RERE: variants seen among roughly 807,000 people sequenced by gnomAD.
RERE encodes the protein arginine-glutamic acid dipeptide repeats.
Under a neutral mutation model 146.1 loss-of-function variants are expected in RERE, and 40 were observed. The ratio of observed to expected loss-of-function variants is 0.27; its 90% CI spans 0.21 to 0.36. The LOEUF (loss-of-function observed/expected upper bound fraction) is 0.36. Ranked by LOEUF, RERE falls within the 10% of genes least tolerant of loss-of-function variation. RERE has a pLI of 1.00. For missense variants in RERE, 1,933 were observed against 2,138.7 expected, an observed-to-expected ratio of 0.90 and a Z score of 1.90; for synonymous variants, 1,003 against 866.0, an observed-to-expected ratio of 1.16 and a Z score of -2.78.
intron 4 of RERE, among the ~76,000 whole-genome samples, chr1:8,559,517 A>C (rs962673941): frequency 6.6e-6 from 1 of 151,984 alleles, no homozygotes; most frequent in Admixed American, 6.6e-5. Flanking sequence ...GGCAAAAAAA[A>C]CTTTCTACAC....
At chr1:8,772,442 G>A (rs1486176928) in intron 1 of RERE, among the ~76,000 whole-genome samples, 2 of 152,000 alleles carry the variant, frequency 1.3e-5, no homozygotes, top group African/African-American at 4.8e-5. Context: ...CTTTACAATG[G>A]CTTTGAGGAA....
At chr1:8,418,520 C>A (rs1207215229) in intron 12 of RERE, among the ~76,000 whole-genome samples, 5 of 152,186 alleles carry the variant, frequency 3.3e-5, no homozygotes, top group Non-Finnish European at 7.3e-5. Flanking sequence ...TGGACTACGA[C>A]CCAGTGCCAG....
intron 1 of RERE, among the ~76,000 whole-genome samples, chr1:8,705,732 A>AG (rs1639544635): frequency 1.3e-5 from 2 of 152,216 alleles, no homozygotes; most frequent in African/African-American, 4.8e-5. Context: ...ACTGAGGTCA[A>AG]CAACACTGCT....
chr1:8,518,625 T>C (rs1232496393), intron 7 of RERE, among the ~76,000 whole-genome samples: 3 of 152,210 alleles, frequency 2.0e-5, no homozygotes, highest in Non-Finnish European at 4.4e-5. Context: ...ATCACTTTTT[T>C]AGATGGATTG....
At chr1:8,379,535 T>TCTGTGA (rs1402183966) in intron 12 of RERE, among the ~76,000 whole-genome samples, 4 of 152,172 alleles carry the variant, frequency 2.6e-5, no homozygotes, top group African/African-American at 7.2e-5. Flanking sequence ...GATCTCCGAA[T>TCTGTGA]CTGTGACTGT....
At chr1:8,484,284 C>T (rs1169102852) in intron 10 of RERE, among the ~76,000 whole-genome samples, 1 of 152,124 alleles carries the variant, frequency 6.6e-6, no homozygotes, top group African/African-American at 2.4e-5. Context: ...ATGTCAGCTG[C>T]AAGTGTTCAG....
rs868868275 is a variant in RERE at position 8,623,208 on chromosome 1, A to G, written c.396+1102T>C. On this transcript the variant is annotated intron_variant, in intron 3 of 22. Coordinates refer to ENST00000400908, the MANE Select transcript of RERE (RefSeq NM_001042681.2). ...ACGTTTGTAATCCCAGCACTTTGGG[A>G]GGCCAAAGCAGGCAAATCACTTGAG... Among the ~76,000 whole-genome samples the G allele has an allele frequency of 8.7e-4, 133 of 152,326 alleles. 1 individual carries two copies. The highest frequency in any genetic ancestry group is 1.2e-3 in the African/African-American group (51 of 41,578).
chr1:8,553,896 G>A (rs895941617), intron 6 of RERE, among the ~76,000 whole-genome samples: 1 of 152,174 alleles, frequency 6.6e-6, no homozygotes, highest in African/African-American at 2.4e-5. Context: ...GATAAAAATG[G>A]GCCAGACGTG....
intron 10 of RERE, among the ~76,000 whole-genome samples, chr1:8,472,182 T>C (rs1231105334): frequency 6.6e-6 from 1 of 152,238 alleles, no homozygotes; most frequent in East Asian, 1.9e-4. Flanking sequence ...ACTATATTCC[T>C]TACATAAAGT....
intron 8 of RERE, among the ~76,000 whole-genome samples, chr1:8,508,021 G>A (rs983872162): frequency 6.6e-6 from 1 of 152,202 alleles, no homozygotes; most frequent in Non-Finnish European, 1.5e-5. Context: ...TTACAGGCAT[G>A]AGCCATTGTG....
intron 12 of RERE, among the ~76,000 whole-genome samples, chr1:8,372,495 C>T (rs1235436274): frequency 9.8e-6 from 1 of 101,726 alleles, no homozygotes; most frequent in African/African-American, 3.8e-5. Context: ...AGCCTGCCAC[C>T]TACCATCAGG....
intron 2 of RERE, among the ~76,000 whole-genome samples, chr1:8,639,735 G>A (rs1647152006): frequency 6.6e-6 from 1 of 152,134 alleles, no homozygotes; most frequent in South Asian, 2.1e-4. Flanking sequence ...CATACCAGGT[G>A]AGACCTTTTT....
chr1:8,768,342 T>A (rs542861105), intron 1 of RERE, among the ~76,000 whole-genome samples: 12 of 152,188 alleles, frequency 7.9e-5, no homozygotes, highest in Non-Finnish European at 1.8e-4. Flanking sequence ...AACCACAATA[T>A]CCATTTCAGA....
chr1:8,571,967 A>T (rs1646226491), intron 4 of RERE, among the ~76,000 whole-genome samples: 1 of 152,190 alleles, frequency 6.6e-6, no homozygotes, highest in Admixed American at 6.5e-5. Flanking sequence ...AATTTTTGTC[A>T]AAAAGATTCT....
chr1:8,729,948 G>A (rs987001047), intron 1 of RERE, among the ~76,000 whole-genome samples: 3 of 152,050 alleles, frequency 2.0e-5, no homozygotes, highest in Non-Finnish European at 2.9e-5. Context: ...GGGATGGCAG[G>A]GGAAAATAAA....
Position 8,412,934 on chromosome 1 carries a change from T to A in RERE, c.1284+9793A>T, listed in dbSNP as rs559346771. On this transcript the variant is annotated intron_variant, in intron 12 of 22. Transcript: ENST00000400908. Reference sequence around the variant, plus strand: ...GTGGTGCCAGATCTCCGAAGCTTTGTAAGCTTCCTATGACTGTTGATGGAT... The same window carrying A: ...GTGGTGCCAGATCTCCGAAGCTTTGAAAGCTTCCTATGACTGTTGATGGAT... 1.8e-4 allele frequency among the ~76,000 whole-genome samples: 28 copies of A among 152,356 alleles called. No individual in the cohort carries two copies. In the South Asian group the frequency reaches 5.6e-3, roughly 30 times the overall value.
intron 11 of RERE, chr1:8,465,528 A>C (rs958321043): frequency 2.9e-6 from 1 of 346,860 alleles, no homozygotes; most frequent in Non-Finnish European, 5.7e-6. Context: ...TCTCTAAAAT[A>C]ATTATGATTA....
intron 1 of RERE, among the ~76,000 whole-genome samples, chr1:8,714,374 T>C (rs12119717): frequency 6.6e-6 from 1 of 152,228 alleles, no homozygotes; most frequent in African/African-American, 2.4e-5. Context: ...TATTATGCTC[T>C]GGCGTCTTTC....
At chr1:8,523,668 A>AAT (rs57460125) in intron 7 of RERE, among the ~76,000 whole-genome samples, 97,146 of 151,984 alleles carry the variant, frequency 0.64, 31,533 homozygotes, top group East Asian at 0.83. Flanking sequence ...CACACTCATT[A>AAT]GAGTTACTTT....
Sources: gnomAD v4.1 joint callset for allele counts (sites outside exome capture counted in the v4.1 genomes callset) on GRCh38, gnomAD v4.1.1 for gene constraint, MANE v1.5 for transcripts, NCBI Gene and HGNC (gene_info 2026-07-23, HGNC 2026-07-21) for gene names.